The following NEDD1 variants were observed in gnomAD, a reference collection of about 807,000 sequenced individuals.
NEDD1 encodes the protein protein NEDD1.
In NEDD1, 33 loss-of-function variants were observed where a neutral mutation model predicts 74.0. That is an observed-to-expected ratio of 0.45 (90% CI 0.34 to 0.60). The LOEUF (loss-of-function observed/expected upper bound fraction) is 0.60, where lower values mean the gene tolerates loss of function less well. Among genes scored for constraint, NEDD1 ranks in the 20% least tolerant of loss-of-function variants. The probability of loss-of-function intolerance (pLI) is 0.01; values close to 1 mark genes in which losing one functional copy is unlikely to be tolerated. For synonymous variants in NEDD1, 250 were observed against 264.4 expected (o/e 0.95, Z 0.53); for missense variants, 746 against 776.5 (o/e 0.96, Z 0.47).
chr12:96,909,913 A>AC lies in NEDD1; in HGVS notation c.136+18_136+19insC, dbSNP rs200657764. Reference sequence around the variant, plus strand: ...CAGCAATAGTATCCTTTAAAAAAAAAAAACACACACACACACACACAAACC... The same window carrying AC: ...CAGCAATAGTATCCTTTAAAAAAAAACAAACACACACACACACACACAAACC... On this transcript the variant is annotated intron_variant, in intron 3 of 15. Transcript: ENST00000266742. 276 of 1,565,786 alleles carry AC rather than the reference A, an allele frequency of 1.8e-4. No homozygotes were observed. Among genetic ancestry groups the AC allele is most frequent in the African/African-American group, 1.1e-3 (77 of 72,994 alleles).
At chr12:96,942,657 T>G in intron 11 of NEDD1, 33 bp downstream of exon 11, 1 of 1,110,102 alleles carries the variant, frequency 9.0e-7, no homozygotes, top group Non-Finnish European at 1.4e-6. Context: ...TTCGTGAAAA[T>G]GAAAAGTGAA....
rs1415615124 is a variant in NEDD1 at position 96,920,203 on chromosome 12, G to A, written c.489+78G>A. The stretch of plus-strand genomic sequence containing the variant: ...ATCTTACATAAGACTGTGAATTTAA[G>A]TTTTTGAAATGCTTGATTGAAAAAC... On this transcript the variant is annotated intron_variant, in intron 6 of 15. Transcript: ENST00000266742. The A allele has an allele frequency of 4.6e-6, 4 of 875,542 alleles. No individual in the cohort carries two copies. In the East Asian group the frequency reaches 8.6e-5, roughly 19 times the overall value. 54.2% of individuals were successfully genotyped at this position (875,542 alleles called of 1,614,324 possible).
intron 14 of NEDD1, among the ~76,000 whole-genome samples, chr12:96,946,124 T>C (rs1246894064): frequency 6.6e-6 from 1 of 152,132 alleles, no homozygotes; most frequent in African/African-American, 2.4e-5. Context: ...ATTATTAAAA[T>C]GTGGACAAGT....
At position 96,907,862 on chromosome 12, in the gene NEDD1, T is replaced by G; in HGVS notation, c.-9+6T>G. On this transcript the variant is annotated splice_donor_region_variant and intron_variant, in intron 2 of 15. Transcript: ENST00000266742. ...TCAGTTCTTAGAAGACCGAGGTAGG[T>G]GGGCAGATGGTCCTCTTCCCCGCCC... 1 of 1,350,926 alleles carries G rather than the reference T, an allele frequency of 7.4e-7. No individual in the cohort carries two copies. Among genetic ancestry groups the G allele is most frequent in the Non-Finnish European group, 9.5e-7 (1 of 1,048,986 alleles). 83.7% of individuals were successfully genotyped at this position (1,350,926 alleles called of 1,614,324 possible).
chr12:96,914,117 A>G (rs990560585), intron 4 of NEDD1, among the ~76,000 whole-genome samples: 1 of 152,232 alleles, frequency 6.6e-6, no homozygotes, highest in African/African-American at 2.4e-5. Context: ...GAATCAAGGC[A>G]TAGAATGTCT....
chr12:96,907,710 T>C lies in NEDD1; in HGVS notation c.-155T>C. ...GAGAACTTTCATTTCAGCTGAGTGG[T>C]GTAGTTGAATTGGTTCCTGTAGCCG... On this transcript the variant is annotated 5_prime_UTR_variant, in exon 2 of 16. Coordinates refer to ENST00000266742, the MANE Select transcript of NEDD1 (RefSeq NM_152905.4). The C allele has an allele frequency of 6.4e-7, 1 of 1,550,672 alleles. No homozygotes were observed. The highest frequency in any genetic ancestry group is 8.7e-7 in the Non-Finnish European group (1 of 1,146,560).
rs1873722009 is a variant in NEDD1, at chr12:96,909,862, C to G, written c.103C>G (p.His35Asp). 1.9e-6 allele frequency: 3 copies of G among 1,612,984 alleles called. No homozygotes were observed. In the African/African-American group the frequency reaches 4.0e-5, roughly 22 times the overall value. ...TAAATTCAACCCACACACATCACCA[C>G]ATGGAATCAGCTCAATATGTTGGAG... ...VDKFNPHTSP[H>D]GISSICWSSN... Residue 35 changes from histidine to aspartate, a missense_variant, in exon 3 of 16, where the codon CAT becomes GAT. Physicochemically the swap from His to Asp is moderately conservative, Grantham distance 81. Coordinates refer to ENST00000266742, the MANE Select transcript of NEDD1 (RefSeq NM_152905.4).
At chr12:96,922,118 G>A (rs1015936215) in intron 6 of NEDD1, among the ~76,000 whole-genome samples, 1 of 152,144 alleles carries the variant, frequency 6.6e-6, no homozygotes, top group African/African-American at 2.4e-5. Flanking sequence ...TTAATTAGTT[G>A]AATGTCAGAA....
chr12:96,926,300 A>C (rs904707408), intron 6 of NEDD1, among the ~76,000 whole-genome samples: 49 of 152,254 alleles, frequency 3.2e-4, no homozygotes, highest in African/African-American at 1.1e-3. Context: ...AGGGTGAAAA[A>C]TTTGACTAGA....
In NEDD1 at chr12:96,923,829, T is replaced by TGTGTGTGA. The variant is rs1186193892; in HGVS notation, c.489+3705_489+3706insTGTGTGAG. 7.5e-5 allele frequency among the ~76,000 whole-genome samples: 11 copies of TGTGTGTGA among 147,514 alleles called. No homozygotes were observed. The East Asian group carries it at 7.9e-4, about 11-fold the overall frequency. On this transcript the variant is annotated intron_variant, in intron 6 of 15. Transcript: ENST00000266742. ...GTGTGTGTGTGTGTGTGTGTGTGTG[T>TGTGTGTGA]GAAACTGTATGCCTGTTTGCGTGTG...
intron 6 of NEDD1, among the ~76,000 whole-genome samples, chr12:96,922,533 T>C (rs2136536882): frequency 6.6e-6 from 1 of 152,330 alleles, no homozygotes; most frequent in South Asian, 2.1e-4. Context: ...TGTATCTTGC[T>C]AGAGAGTTTT....
In NEDD1 at chr12:96,952,240, T is replaced by C. The variant is rs970726678; in HGVS notation, c.*187T>C. The C allele has an allele frequency of 6.8e-6, 3 of 444,414 alleles. No individual in the cohort carries two copies. Among genetic ancestry groups the C allele is most frequent in the Non-Finnish European group, 1.2e-5 (3 of 253,486 alleles). The allele number at this position is 444,414 out of a possible 1,614,324, so 27.5% of individuals were successfully genotyped here. A position where few individuals can be genotyped will look rare whatever the true frequency, so the allele number is the denominator to read the frequency against. On this transcript the variant is annotated 3_prime_UTR_variant, in exon 16 of 16. Coordinates refer to ENST00000266742, the MANE Select transcript of NEDD1 (RefSeq NM_152905.4). Reference sequence around the variant, plus strand: ...AATATGTATATTTTTATATTAAAAATTGTACAGTATGTCATCTACCCAATA... The same window carrying C: ...AATATGTATATTTTTATATTAAAAACTGTACAGTATGTCATCTACCCAATA...
At chr12:96,932,487 T>TATATATATATAA (rs1300455459) in intron 6 of NEDD1, among the ~76,000 whole-genome samples, 2 of 75,078 alleles carry the variant, frequency 2.7e-5, no homozygotes, top group East Asian at 4.4e-4. Flanking sequence ...TATATATATA[T>TATATATATATAA]AAAATGCACA....
intron 4 of NEDD1, among the ~76,000 whole-genome samples, chr12:96,913,886 G>A (rs1874180229): frequency 6.6e-6 from 1 of 152,078 alleles, no homozygotes; most frequent in East Asian, 1.9e-4. Context: ...ACTGGGATAG[G>A]TAAAGTAGCC....
chr12:96,915,906 T>C (rs1439467915), intron 4 of NEDD1, among the ~76,000 whole-genome samples: 1 of 152,144 alleles, frequency 6.6e-6, no homozygotes, highest in East Asian at 1.9e-4. Context: ...ATAACTAAAA[T>C]AAGATATTGT....
chr12:96,908,891 TAG>T (rs1370023512), intron 2 of NEDD1, among the ~76,000 whole-genome samples: 1 of 152,144 alleles, frequency 6.6e-6, no homozygotes, highest in African/African-American at 2.4e-5. Flanking sequence ...AAATTTCAGA[TAG>T]TGGCTGGGCA....
At position 96,909,796 on chromosome 12, in the gene NEDD1, G is replaced by A. The variant is rs752694718; in HGVS notation, c.37G>A (p.Asp13Asn). 1 of 1,613,334 alleles carries A rather than the reference G, an allele frequency of 6.2e-7. No individual in the cohort carries two copies. Among genetic ancestry groups the A allele is most frequent in the Non-Finnish European group, 8.5e-7 (1 of 1,179,540 alleles). Residue 13 changes from aspartate to asparagine, a missense_variant, in exon 3 of 16, where the codon GAT (aspartate) becomes AAT (asparagine). Around this residue, in one of 3 missense-constraint regions of NEDD1, gnomAD observed 11 missense variants for 19.0 expected, o/e 0.58. Coordinates refer to ENST00000266742, the MANE Select transcript of NEDD1 (RefSeq NM_152905.4). ...ENLRFASSGDDIKIWDASSMT... is the reference protein window; with the variant it reads ...ENLRFASSGDNIKIWDASSMT... ...CCTCAGATTTGCTTCATCAGGAGAT[G>A]ATATTAAAATATGGGATGCTTCATC...
intron 6 of NEDD1, among the ~76,000 whole-genome samples, chr12:96,930,211 A>ACACACT (rs1416917962): frequency 4.3e-4 from 38 of 89,278 alleles, no homozygotes; most frequent in South Asian, 1.7e-3. Context: ...ACACACACAC[A>ACACACT]CTCTCTCTCT....
At position 96,937,404 on chromosome 12, in the gene NEDD1, C is replaced by T; in HGVS notation, c.1117+11C>T. 4 of 1,484,430 alleles carry T rather than the reference C, an allele frequency of 2.7e-6. No individual in the cohort carries two copies. The highest frequency in any genetic ancestry group is 1.3e-5 in the South Asian group (1 of 74,690). 92.0% of individuals were successfully genotyped at this position (1,484,430 alleles called of 1,614,324 possible). A position where few individuals can be genotyped will look rare whatever the true frequency, so the allele number is the denominator to read the frequency against. ...TTCAAGAAAAAGCAGGTAAATGTTG[C>T]TTATATATTGTTGGAGGGTTGGTTT... On this transcript the variant is annotated intron_variant, in intron 9 of 15. Transcript: ENST00000266742.
Sources: allele counts gnomAD v4.1 joint callset (sites outside exome capture counted in the v4.1 genomes callset), GRCh38; gene constraint gnomAD v4.1.1; regional missense constraint gnomAD v4.1.1; transcripts MANE v1.5; gene names NCBI Gene and HGNC (gene_info 2026-07-23, HGNC 2026-07-21).